The following ODAD2 variants were observed in gnomAD, a reference collection of about 807,000 sequenced individuals.
ODAD2 encodes outer dynein arm-docking complex subunit 2.
In ODAD2, 89 loss-of-function variants were observed where a neutral mutation model predicts 106.8. The ratio of observed to expected loss-of-function variants is 0.83; its 90% CI spans 0.70 to 0.99. The LOEUF (loss-of-function observed/expected upper bound fraction) is 0.99. Ranked by LOEUF, ODAD2 falls within the 50% of genes least tolerant of loss-of-function variation. The pLI is 0.00. For synonymous variants in ODAD2, 404 were observed against 436.2 expected, an observed-to-expected ratio of 0.93 and a Z score of 0.92; for missense variants, 1,168 against 1,238.5, an observed-to-expected ratio of 0.94 and a Z score of 0.85.
chr10:27,963,513 T>C (rs952124887), intron 9 of ODAD2, among the ~76,000 whole-genome samples: 2 of 152,186 alleles, frequency 1.3e-5, no homozygotes, highest in Non-Finnish European at 2.9e-5. Flanking sequence ...AGTCACAAAG[T>C]CAATGACCAT....
chr10:27,982,989 T>C (rs1355824500), intron 6 of ODAD2, among the ~76,000 whole-genome samples: 2 of 152,190 alleles, frequency 1.3e-5, no homozygotes, highest in Non-Finnish European at 2.9e-5. Context: ...GCTCCGTCAT[T>C]AGAATCAGCT....
chr10:27,886,694 G>A (rs1486459336), intron 17 of ODAD2, among the ~76,000 whole-genome samples: 1 of 151,994 alleles, frequency 6.6e-6, no homozygotes, highest in Non-Finnish European at 1.5e-5. Context: ...AATTATGCAT[G>A]TCAATGAGTA....
intron 2 of ODAD2, among the ~76,000 whole-genome samples, chr10:27,988,297 A>G (rs1850004384): frequency 6.6e-6 from 1 of 150,554 alleles, no homozygotes; most frequent in South Asian, 2.1e-4. Context: ...ACAGGAGGCT[A>G]TATCTGATGA....
At position 27,812,417 on chromosome 10, in the gene ODAD2, G is replaced by T; in HGVS notation, c.*95C>A. On this transcript the variant is annotated 3_prime_UTR_variant, in exon 20 of 20. Coordinates refer to ENST00000305242, the MANE Select transcript of ODAD2 (RefSeq NM_018076.5). ...TTCATTTAGATGGTTGAAAGGGTTT[G>T]CTAACAACTGTTTCCCAATTTAGGC... 8.6e-7 allele frequency: 1 copy of T among 1,158,196 alleles called. No homozygotes were observed. Among genetic ancestry groups the T allele is most frequent in the Non-Finnish European group, 1.2e-6 (1 of 810,468 alleles). 71.7% of individuals were successfully genotyped at this position (1,158,196 alleles called of 1,614,324 possible).
In ODAD2 at chr10:27,958,099, T is replaced by C. The variant is rs140804650; in HGVS notation, c.1386+3469A>G. ...ACCTTGAAATCATTTATAGATATAC[T>C]TTTCCTTTTATTGGCTATGTGAAGA... On this transcript the variant is annotated intron_variant, in intron 10 of 19. Transcript: ENST00000305242. Among the ~76,000 whole-genome samples the C allele has an allele frequency of 3.6e-3, 542 of 152,058 alleles. 5 individuals are homozygous for C. Among genetic ancestry groups the C allele is most frequent in the African/African-American group, 0.012 (499 of 41,326 alleles).
At chr10:27,852,201 T>C (rs1050832077) in intron 19 of ODAD2, among the ~76,000 whole-genome samples, 4 of 152,096 alleles carry the variant, frequency 2.6e-5, no homozygotes, top group Non-Finnish European at 2.9e-5. Flanking sequence ...AGAAGGAAAA[T>C]GATATCAGGA....
At position 27,907,716 on chromosome 10, in the gene ODAD2, C is replaced by G; in HGVS notation, c.2557G>C (p.Asp853His). ...LWSLLKNPHPDVKASAAWALC... is the reference protein window; with the variant it reads ...LWSLLKNPHPHVKASAAWALC... ...GCCCATGCTGCGCTGGCCTTCACGT[C>G]TGGGTGAGGATTTTTCAGCAGGGAC... The change falls in exon 17 of 20, where the codon GAC (aspartate) becomes CAC (histidine). Residue 853 changes from aspartate to histidine, a missense_variant. Coordinates refer to ENST00000305242, the MANE Select transcript of ODAD2 (RefSeq NM_018076.5). 6.2e-7 allele frequency: 1 copy of G among 1,613,908 alleles called. No homozygotes were observed. Among genetic ancestry groups the G allele is most frequent in the Non-Finnish European group, 8.5e-7 (1 of 1,179,886 alleles).
At chr10:27,845,245 G>A (rs1589807687) in intron 19 of ODAD2, among the ~76,000 whole-genome samples, 1 of 152,352 alleles carries the variant, frequency 6.6e-6, no homozygotes, top group East Asian at 1.9e-4. Context: ...ATACAAGCCA[G>A]AAGAGAGTGG....
chr10:27,935,766 CTT>C (rs1158803561), intron 15 of ODAD2, among the ~76,000 whole-genome samples: 1 of 150,278 alleles, frequency 6.7e-6, no homozygotes, highest in Non-Finnish European at 1.5e-5. Context: ...TACCATCTCT[CTT>C]GTCATAAAAT....
At chr10:27,909,350 T>G (rs2133871176) in intron 16 of ODAD2, among the ~76,000 whole-genome samples, 1 of 152,296 alleles carries the variant, frequency 6.6e-6, no homozygotes, top group Non-Finnish European at 1.5e-5. Flanking sequence ...GGACAAAATT[T>G]CACAATTAAC....
At chr10:27,932,247 G>T (rs1012860869) in intron 16 of ODAD2, among the ~76,000 whole-genome samples, 1 of 151,962 alleles carries the variant, frequency 6.6e-6, no homozygotes, top group African/African-American at 2.4e-5. Flanking sequence ...CTATAGTTGG[G>T]CAAAATCATC....
chr10:27,829,029 G>T (rs3004197), intron 19 of ODAD2, among the ~76,000 whole-genome samples: 151,602 of 152,294 alleles, frequency 1, 75,460 homozygotes, highest in East Asian at 1. Flanking sequence ...AATACATGAT[G>T]GGATATAGAA....
intron 11 of ODAD2, among the ~76,000 whole-genome samples, 168 bp from the exon 12 acceptor site, chr10:27,944,599 C>G (rs1846738373): frequency 6.6e-6 from 1 of 151,976 alleles, no homozygotes; most frequent in Non-Finnish European, 1.5e-5. Flanking sequence ...GTAAACAATC[C>G]TCATTCAGGA....
At chr10:27,822,413 T>C (rs1788137720) in intron 19 of ODAD2, among the ~76,000 whole-genome samples, 1 of 152,166 alleles carries the variant, frequency 6.6e-6, no homozygotes, top group Non-Finnish European at 1.5e-5. Flanking sequence ...TCCCAAAAGA[T>C]CTTAAGTGCC....
At chr10:27,923,344 A>C (rs868535485) in intron 16 of ODAD2, among the ~76,000 whole-genome samples, 5 of 152,186 alleles carry the variant, frequency 3.3e-5, no homozygotes, top group Admixed American at 6.5e-5. Flanking sequence ...GAAAGCAGGG[A>C]TAAATATTCT....
chr10:27,852,759 G>T (rs1002889305), intron 19 of ODAD2, among the ~76,000 whole-genome samples: 1 of 151,634 alleles, frequency 6.6e-6, no homozygotes. Flanking sequence ...TCAGGAGTTC[G>T]AGACCAGCCT....
At chr10:27,852,960 C>CAAA (rs61548333) in intron 19 of ODAD2, among the ~76,000 whole-genome samples, 10 of 84,738 alleles carry the variant, frequency 1.2e-4, no homozygotes, top group African/African-American at 1.4e-4. Flanking sequence ...GACACAGTCT[C>CAAA]AAAAAAAAAA....
chr10:27,996,018 T>C (rs1029616849), intron 1 of ODAD2, among the ~76,000 whole-genome samples: 2 of 152,228 alleles, frequency 1.3e-5, no homozygotes, highest in African/African-American at 2.4e-5. Flanking sequence ...AAATTTCACA[T>C]TGGCTAAATA....
intron 4 of ODAD2, among the ~76,000 whole-genome samples, chr10:27,984,800 T>C (rs1588662842): frequency 6.6e-6 from 1 of 152,164 alleles, no homozygotes; most frequent in Non-Finnish European, 1.5e-5. Flanking sequence ...ATAACTTCCA[T>C]ACTTTACTTT....
Sources: allele counts gnomAD v4.1 joint callset (sites outside exome capture counted in the v4.1 genomes callset), GRCh38; gene constraint gnomAD v4.1.1; transcripts MANE v1.5; gene names NCBI Gene and HGNC (gene_info 2026-07-23, HGNC 2026-07-21).